Variants in SLC44A3 observed in about 807,000 individuals in gnomAD.
SLC44A3 encodes choline transporter-like protein 3.
In SLC44A3, 74 loss-of-function variants were observed where a neutral mutation model predicts 75.4. That is an observed-to-expected ratio of 0.98 (90% CI 0.81 to 1.19). The LOEUF is 1.19. SLC44A3 is among the 50% of genes most tolerant of loss of function. SLC44A3 has a pLI of 0.00. For missense variants in SLC44A3, 700 were observed against 778.6 expected, an observed-to-expected ratio of 0.90 and a Z score of 1.20; for synonymous variants, 310 against 296.9, an observed-to-expected ratio of 1.04 and a Z score of -0.45.
intron 5 of SLC44A3, among the ~76,000 whole-genome samples, chr1:94,837,273 T>G (rs553539800): frequency 1.3e-5 from 2 of 152,330 alleles, no homozygotes; most frequent in South Asian, 4.1e-4. Context: ...TGACTATAGT[T>G]CATAATACTG....
intron 12 of SLC44A3, chr1:94,888,623 A>G: frequency 3.1e-6 from 3 of 981,216 alleles, no homozygotes; most frequent in Middle Eastern, 5.3e-4. Flanking sequence ...CAAAACCAAA[A>G]TTTCCTTGTG....
At chr1:94,822,618 G>C (rs773003814) in intron 2 of SLC44A3, among the ~76,000 whole-genome samples, 3 of 152,196 alleles carry the variant, frequency 2.0e-5, no homozygotes, top group Non-Finnish European at 4.4e-5. Context: ...TATAAGCAGA[G>C]ATGGTTCTTG....
intron 6 of SLC44A3, 90 bp from the exon 7 acceptor site, chr1:94,839,858 G>A: frequency 2.3e-6 from 2 of 887,544 alleles, no homozygotes; most frequent in Non-Finnish European, 3.8e-6. Context: ...AGCCGTCACT[G>A]TTCTGGAGGG....
intron 1 of SLC44A3, 72 bp from the exon 2 acceptor site, chr1:94,820,877 G>A (rs1660470185): frequency 7.0e-7 from 1 of 1,420,612 alleles, no homozygotes; most frequent in Admixed American, 2.3e-5. Flanking sequence ...TCTTCGAGTA[G>A]ATTTGGGTTC....
intron 7 of SLC44A3, among the ~76,000 whole-genome samples, chr1:94,840,283 C>CTTTTTTTTTTTTTTT (rs56383271): frequency 1.3e-4 from 10 of 77,360 alleles, no homozygotes; most frequent in East Asian, 4.5e-4. Flanking sequence ...TTTCTTTTTC[C>CTTTTTTTTTTTTTTT]TTTTTTTTTT....
At chr1:94,836,495 C>T (rs1035852731) in intron 5 of SLC44A3, among the ~76,000 whole-genome samples, 2 of 152,216 alleles carry the variant, frequency 1.3e-5, no homozygotes, top group African/African-American at 4.8e-5. Context: ...CGGAATTAAG[C>T]TAATAGTGTC....
chr1:94,881,934 C>T (rs564420173), intron 12 of SLC44A3, among the ~76,000 whole-genome samples: 1 of 151,532 alleles, frequency 6.6e-6, no homozygotes, highest in South Asian at 2.1e-4. Flanking sequence ...GCAGAAGAAT[C>T]GCTTGAACCC....
intron 7 of SLC44A3, among the ~76,000 whole-genome samples, chr1:94,840,735 T>C (rs1379951984): frequency 6.6e-6 from 1 of 152,238 alleles, no homozygotes; most frequent in African/African-American, 2.4e-5. Context: ...ACCTCACCCA[T>C]TGGCACGTGG....
chr1:94,855,891 C>T (rs1474470156), intron 9 of SLC44A3, among the ~76,000 whole-genome samples: 3 of 152,204 alleles, frequency 2.0e-5, no homozygotes, highest in African/African-American at 7.2e-5. Context: ...AAGACCAGAG[C>T]ATGCATCTTC....
In SLC44A3 at chr1:94,824,585, C is replaced by A. The variant is rs766211094; in HGVS notation, c.228C>A (p.Asn76Lys). 1 of 1,611,276 alleles carries A rather than the reference C, an allele frequency of 6.2e-7. No homozygotes were observed. Among genetic ancestry groups the A allele is most frequent in the Non-Finnish European group, 8.5e-7 (1 of 1,179,226 alleles). The change falls in exon 3 of 15, where the codon AAC becomes AAA. Residue 76 changes from asparagine (N) to lysine (K), a missense_variant. By Grantham distance (94) the Asn-to-Lys change is moderately conservative. Transcript: ENST00000271227. ...DSFGNMCGKKNSPVEGAPLSG... is the reference protein window; with the variant it reads ...DSFGNMCGKKKSPVEGAPLSG... ...TTGGCAACATGTGTGGCAAGAAGAA[C>A]TCCCCCGTGGAAGGGGCCCCTCTTT... is the stretch of plus-strand genomic sequence containing the variant.
chr1:94,823,492 C>G (rs950925039), intron 2 of SLC44A3, among the ~76,000 whole-genome samples: 1 of 152,198 alleles, frequency 6.6e-6, no homozygotes, highest in East Asian at 1.9e-4. Flanking sequence ...GCCTTCTAGG[C>G]TGGGTTCCTG....
In SLC44A3 at chr1:94,857,409, C is replaced by A. The variant is rs1277126404; in HGVS notation, c.1147C>A (p.His383Asn). 1 of 1,614,122 alleles carries A rather than the reference C, an allele frequency of 6.2e-7. No individual in the cohort carries two copies. The highest frequency in any genetic ancestry group is 1.1e-5 in the South Asian group (1 of 91,074). The change falls in exon 10 of 15, where the codon CAT becomes AAT. Residue 383 changes from histidine (H) to asparagine (N), a missense_variant. By Grantham distance (68) the His-to-Asn change is moderately conservative. Transcript: ENST00000271227. Reference sequence around the variant, plus strand: ...GGGCATTCGGTACATGTGGTCGTACCATTTAATTGGCCTCATCTGGACTAG... The same window carrying A: ...GGGCATTCGGTACATGTGGTCGTACAATTTAATTGGCCTCATCTGGACTAG... ...LSGIRYMWSYHLIGLIWTSEF... is the reference protein window; with the variant it reads ...LSGIRYMWSYNLIGLIWTSEF...
At position 94,820,546 on chromosome 1, in the gene SLC44A3, G is replaced by T. The variant is rs932327840; in HGVS notation, c.27+68G>T. On this transcript the variant is annotated intron_variant, in intron 1 of 14. Coordinates refer to ENST00000271227, the MANE Select transcript of SLC44A3 (RefSeq NM_001114106.3). ...GAAGGGTCGAGTCCCCCGCCTTCAC[G>T]CACCTTCCCTGCCGGACGCTTCCGC... 18 of 1,454,616 alleles carry T rather than the reference G, an allele frequency of 1.2e-5. No individual in the cohort carries two copies. The African/African-American group carries it at 1.6e-4, about 13-fold the overall frequency. The allele number at this position is 1,454,616 out of a possible 1,614,324, so 90.1% of individuals were successfully genotyped here.
chr1:94,867,539 T>C, intron 12 of SLC44A3, 122 bp downstream of exon 12: 1 of 613,466 alleles, frequency 1.6e-6, no homozygotes, highest in East Asian at 3.1e-5. Flanking sequence ...TTTTAGGCTT[T>C]CAGACCAGTC....
chr1:94,872,218 C>T (rs1339230661), intron 12 of SLC44A3, among the ~76,000 whole-genome samples: 5 of 152,126 alleles, frequency 3.3e-5, no homozygotes, highest in African/African-American at 1.2e-4. Context: ...TCTCCTGCCT[C>T]AGCCTCCCGA....
At chr1:94,879,680 A>G (rs1279986317) in intron 12 of SLC44A3, among the ~76,000 whole-genome samples, 7 of 151,746 alleles carry the variant, frequency 4.6e-5, no homozygotes, top group Admixed American at 6.6e-5. Context: ...TCTACTAAAA[A>G]TACAAAAAAT....
At chr1:94,879,228 C>T (rs573238208) in intron 12 of SLC44A3, among the ~76,000 whole-genome samples, 359 of 150,862 alleles carry the variant, frequency 2.4e-3, no homozygotes, top group Non-Finnish European at 4.0e-3. Flanking sequence ...AAAAAAAAAC[C>T]CGATTTTAAA....
chr1:94,867,132 C>T (rs1361195160), intron 11 of SLC44A3, among the ~76,000 whole-genome samples, 199 bp from the exon 12 acceptor site: 1 of 152,024 alleles, frequency 6.6e-6, no homozygotes, highest in Non-Finnish European at 1.5e-5. Flanking sequence ...ACACGTAAGT[C>T]CACAAGACAG....
intron 12 of SLC44A3, among the ~76,000 whole-genome samples, chr1:94,872,835 G>A (rs1286784583): frequency 2.0e-5 from 3 of 152,168 alleles, no homozygotes; most frequent in African/African-American, 4.8e-5. Flanking sequence ...AATATGAGCT[G>A]TTTGTTTTCC....
Sources: allele counts gnomAD v4.1 joint callset (sites outside exome capture counted in the v4.1 genomes callset), GRCh38; gene constraint gnomAD v4.1.1; transcripts MANE v1.5; gene names NCBI Gene and HGNC (gene_info 2026-07-23, HGNC 2026-07-21).